The following HYAL3 variants were observed in gnomAD, a reference collection of about 807,000 sequenced individuals.
HYAL3 encodes hyaluronidase-3.
In HYAL3, 25 loss-of-function variants were observed where a neutral mutation model predicts 29.6. That is an observed-to-expected ratio of 0.85 (90% CI 0.62 to 1.18). HYAL3 has a LOEUF of 1.18. Among genes scored for constraint, HYAL3 ranks in the 50% most tolerant of loss-of-function variants. The pLI is 0.00. For synonymous variants in HYAL3, 215 were observed against 218.3 expected (o/e 0.99, Z 0.13); for missense variants, 442 against 548.4 (o/e 0.81, Z 1.94).
At chr3:50,295,758 G>T (rs999701690) in intron 1 of HYAL3, 139 bp from the exon 2 acceptor site, 3 of 664,682 alleles carry the variant, frequency 4.5e-6, no homozygotes, top group Admixed American at 3.5e-5. Flanking sequence ...TTCCCCAGGG[G>T]TCTCTTGGGC....
chr3:50,296,101 G>C (rs1701829787), intron 1 of HYAL3, among the ~76,000 whole-genome samples: 3 of 152,186 alleles, frequency 2.0e-5, no homozygotes, highest in Admixed American at 6.5e-5. Context: ...CAAAGCCTCT[G>C]TACCTCCCCT....
At chr3:50,294,161 T>A (rs1473097144) in intron 2 of HYAL3, among the ~76,000 whole-genome samples, 1 of 151,968 alleles carries the variant, frequency 6.6e-6, no homozygotes, top group African/African-American at 2.4e-5. Context: ...TAGCTGGGTG[T>A]GGTGGTATGC....
At position 50,297,257 on chromosome 3, in the gene HYAL3, G is replaced by C; in HGVS notation, c.-17-1638C>G. ...GGTCAGCACAAGCATCCAGGAGCTC[G>C]GGTCGGCGGTGCACAGGCTCCAGGG... On this transcript the variant is annotated intron_variant, in intron 1 of 3. Coordinates refer to ENST00000336307, the MANE Select transcript of HYAL3 (RefSeq NM_003549.4). This position sits in a 1 kb window ranked among gnomAD's most constrained non-coding sequence, Gnocchi z 4.3. 3 of 1,610,384 alleles carry C rather than the reference G, an allele frequency of 1.9e-6. No individual in the cohort carries two copies. Among genetic ancestry groups the C allele is most frequent in the Non-Finnish European group, 2.5e-6 (3 of 1,177,598 alleles).
Position 50,294,789 on chromosome 3 carries a change from G to A in HYAL3, c.814C>T (p.Leu272Phe), listed in dbSNP as rs1553710685. 3 of 1,517,698 alleles carry A rather than the reference G, an allele frequency of 2.0e-6. No homozygotes were observed. The highest frequency in any genetic ancestry group is 2.7e-6 in the Non-Finnish European group (3 of 1,130,864). The allele number at this position is 1,517,698 out of a possible 1,614,324, so 94.0% of individuals were successfully genotyped here. Residue 272 changes from leucine to phenylalanine, a missense_variant, in exon 2 of 4, where the codon CTT (leucine) becomes TTT (phenylalanine). Leu to Phe is a conservative substitution (Grantham distance 22, BLOSUM62 0). Coordinates refer to ENST00000336307, the MANE Select transcript of HYAL3 (RefSeq NM_003549.4). Reference protein sequence around the residue: ...HRLEEAFRVALVGHRHPLPVL... With the variant: ...HRLEEAFRVAFVGHRHPLPVL... ...GGCAGGGGATGTCGGTGCCCAACAA[G>A]GGCCACACGGAAGGCCTCCTCCAGG... is the stretch of plus-strand genomic sequence containing the variant.
Position 50,297,904 on chromosome 3 carries a change from G to A in HYAL3, c.-18+1309C>T, listed in dbSNP as rs1701918410. On this transcript the variant is annotated intron_variant, in intron 1 of 3. Coordinates refer to ENST00000336307, the MANE Select transcript of HYAL3 (RefSeq NM_003549.4). This position sits in a 1 kb window ranked among gnomAD's most constrained non-coding sequence, Gnocchi z 4.3. ...ACATTGGAGGGAGGCTGGGAGTGATGGATGAGCTGCTTAAGGCTGGGGCAG... is the reference window on the plus strand; with the variant it reads ...ACATTGGAGGGAGGCTGGGAGTGATAGATGAGCTGCTTAAGGCTGGGGCAG... The A allele has an allele frequency of 2.0e-6, 2 of 1,000,826 alleles. No individual in the cohort carries two copies. Among genetic ancestry groups the A allele is most frequent in the South Asian group, 4.6e-5 (1 of 21,730 alleles). The allele number at this position is 1,000,826 out of a possible 1,614,324, so 62.0% of individuals were successfully genotyped here. A position where few individuals can be genotyped will look rare whatever the true frequency, so the allele number is the denominator to read the frequency against.
rs1701782174 is a variant in HYAL3, at chr3:50,294,974, T to C, written c.629A>G (p.His210Arg). 6.2e-7 allele frequency: 1 copy of C among 1,613,036 alleles called. No individual in the cohort carries two copies. The highest frequency in any genetic ancestry group is 8.5e-7 in the Non-Finnish European group (1 of 1,179,720). ...GCCGGTATAGTTGGAAGCCATACTA[T>C]GCCAGCCATTGCCACAGGCTGGGTA... is the stretch of plus-strand genomic sequence containing the variant. ...YHYPACGNGW[H>R]SMASNYTGRC... The change falls in exon 2 of 4, where the codon CAT (histidine) becomes CGT (arginine). Residue 210 changes from histidine (H) to arginine (R), a missense_variant. Transcript: ENST00000336307.
chr3:50,295,775 A>C, intron 1 of HYAL3, 156 bp from the exon 2 acceptor site: 2 of 451,434 alleles, frequency 4.4e-6, no homozygotes, highest in Non-Finnish European at 7.4e-6. Context: ...GGGCCTTTTA[A>C]AGCAGCCACA....
At chr3:50,295,655 C>T (rs1218001849) in intron 1 of HYAL3, 36 bp from the exon 2 acceptor site, 7 of 1,475,012 alleles carry the variant, frequency 4.7e-6, no homozygotes, top group Non-Finnish European at 6.3e-6. Flanking sequence ...TTAGAGTCCG[C>T]AGCTATGGCC....
intron 1 of HYAL3, chr3:50,298,948 T>C: frequency 7.0e-7 from 1 of 1,420,500 alleles, no homozygotes; most frequent in Non-Finnish European, 9.2e-7. Flanking sequence ...CCCCACCCAC[T>C]GTGGGCGGGG....
At position 50,299,289 on chromosome 3, in the gene HYAL3, A is replaced by T; in HGVS notation, c.-94T>A. On this transcript the variant is annotated 5_prime_UTR_variant, in exon 1 of 4. Coordinates refer to ENST00000336307, the MANE Select transcript of HYAL3 (RefSeq NM_003549.4). ...GTATCTCACTCAGTCGCCACCTCGGACTCCTCGGTCCGACAACGTTGGCCC... is the reference window on the plus strand; with the variant it reads ...GTATCTCACTCAGTCGCCACCTCGGTCTCCTCGGTCCGACAACGTTGGCCC... 1 of 1,612,356 alleles carries T rather than the reference A, an allele frequency of 6.2e-7. No individual in the cohort carries two copies. The highest frequency in any genetic ancestry group is 1.1e-5 in the South Asian group (1 of 91,030).
rs782569930 is a variant in HYAL3 at position 50,295,437 on chromosome 3, C to T, written c.166G>A (p.Gly56Ser). 1 of 1,614,164 alleles carries T rather than the reference C, an allele frequency of 6.2e-7. No homozygotes were observed. The highest frequency in any genetic ancestry group is 1.1e-5 in the South Asian group (1 of 91,092). ...FGVHLPLNAL[G>S]IIANRGQHFH... ...TGCTGGCCACGGTTGGCTATGATGC[C>T]CAGAGCATTGAGTGGCAGGTGCACA... The change falls in exon 2 of 4, where the codon GGC becomes AGC. Residue 56 changes from glycine to serine, a missense_variant. Gly to Ser is a moderately conservative substitution (Grantham distance 56). Coordinates refer to ENST00000336307, the MANE Select transcript of HYAL3 (RefSeq NM_003549.4).
At chr3:50,299,142 G>T (rs370533099) in intron 1 of HYAL3, 71 bp downstream of exon 1, 1 of 1,613,426 alleles carries the variant, frequency 6.2e-7, no homozygotes. Context: ...GTGCAGGGTG[G>T]CATGGCCACT....
intron 1 of HYAL3, 82 bp downstream of exon 1, chr3:50,299,131 C>T: frequency 6.2e-7 from 1 of 1,608,974 alleles, no homozygotes; most frequent in Admixed American, 1.7e-5. Context: ...GCGGGGAGGG[C>T]GTGCAGGGTG....
At chr3:50,293,578 C>A in intron 3 of HYAL3, 54 bp downstream of exon 3, 1 of 1,611,978 alleles carries the variant, frequency 6.2e-7, no homozygotes, top group Non-Finnish European at 8.5e-7. Context: ...GGCCGTCCCC[C>A]ACCCTGGGAC....
rs782056861 is a variant in HYAL3, at chr3:50,295,284, G to A, written c.319C>T (p.Leu107=). The A allele has an allele frequency of 1.9e-6, 3 of 1,614,104 alleles. No individual in the cohort carries two copies. The highest frequency in any genetic ancestry group is 2.2e-5 in the South Asian group (2 of 91,092). Reference sequence around the variant, plus strand: ...CTGTGGTGGATCTGGTAGGCAGCCAGTGCCAGGTGGCGGTCAAGGGGCAAA... The same window carrying A: ...CTGTGGTGGATCTGGTAGGCAGCCAATGCCAGGTGGCGGTCAAGGGGCAAA... ...QALPLDRHLA[L]AAYQIHHSLR... The change falls in exon 2 of 4, where the codon CTG becomes TTG. Residue 107 remains leucine, a synonymous_variant. Coordinates refer to ENST00000336307, the MANE Select transcript of HYAL3 (RefSeq NM_003549.4).
rs1575499055 is a variant in HYAL3 at position 50,295,820 on chromosome 3, G to A, written c.-17-201C>T. 9 of 576,648 alleles carry A rather than the reference G, an allele frequency of 1.6e-5. No homozygotes were observed. The East Asian group carries it at 2.4e-4, about 15-fold the overall frequency. The allele number at this position is 576,648 out of a possible 1,614,324, so 35.7% of individuals were successfully genotyped here. A position where few individuals can be genotyped will look rare whatever the true frequency, so the allele number is the denominator to read the frequency against. ...GGCTATGATGCCCCGGGCATCGAGT[G>A]GCAGGTGCACACCAAAGCGGGCTTT... is the stretch of plus-strand genomic sequence containing the variant. On this transcript the variant is annotated intron_variant, in intron 1 of 3. Coordinates refer to ENST00000336307, the MANE Select transcript of HYAL3 (RefSeq NM_003549.4).
rs781939755 is a variant in HYAL3, at chr3:50,295,374, G to A, written c.229C>T (p.Gln77Ter). 7 of 1,614,084 alleles carry A rather than the reference G, an allele frequency of 4.3e-6. No homozygotes were observed. The African/African-American group carries it at 5.3e-5, about 12-fold the overall frequency. The change falls in exon 2 of 4, where the codon CAA (glutamine) becomes TAA (stop). Residue 77 changes from glutamine to a stop codon, truncating the protein, a stop_gained. Coordinates refer to ENST00000336307, the MANE Select transcript of HYAL3 (RefSeq NM_003549.4). LOFTEE classifies it high-confidence loss of function. ...GQNMTIFYKN[Q>*]LGLYPYFGPR... Reference sequence around the variant, plus strand: ...CCAAAGTAGGGATAGAGGCCGAGTTGGTTCTTGTAGAAAATGGTCATGTTC... The same window carrying A: ...CCAAAGTAGGGATAGAGGCCGAGTTAGTTCTTGTAGAAAATGGTCATGTTC...
chr3:50,295,030 T>G lies in HYAL3; in HGVS notation c.573A>C (p.Leu191=). 5.0e-6 allele frequency: 8 copies of G among 1,613,410 alleles called. No individual in the cohort carries two copies. Among genetic ancestry groups the G allele is most frequent in the Non-Finnish European group, 6.8e-6 (8 of 1,179,942 alleles). ...MEDTLRVAQA[L]RPHGLWGFYH... is the part of the protein sequence containing the mutation. ...AGAAGCCCCAGAGTCCATGGGGCCG[T>G]AGTGCCTGGGCCACCCGCAGCGTAT... Residue 191 remains leucine (L), a synonymous_variant, in exon 2 of 4, where the codon CTA becomes CTC. Coordinates refer to ENST00000336307, the MANE Select transcript of HYAL3 (RefSeq NM_003549.4).
chr3:50,295,388 A>G lies in HYAL3; in HGVS notation c.215T>C (p.Ile72Thr). 1 of 1,614,194 alleles carries G rather than the reference A, an allele frequency of 6.2e-7. No individual in the cohort carries two copies. Among genetic ancestry groups the G allele is most frequent in the East Asian group, 2.2e-5 (1 of 44,882 alleles). Residue 72 changes from isoleucine to threonine, a missense_variant, in exon 2 of 4, where the codon ATT (isoleucine) becomes ACT (threonine). Transcript: ENST00000336307. ...GQHFHGQNMT[I>T]FYKNQLGLYP... ...GAGGCCGAGTTGGTTCTTGTAGAAA[A>G]TGGTCATGTTCTGACCGTGAAAATG... is the stretch of plus-strand genomic sequence containing the variant.
Sources: allele counts gnomAD v4.1 joint callset (sites outside exome capture counted in the v4.1 genomes callset), GRCh38; gene constraint gnomAD v4.1.1; non-coding constraint Gnocchi (gnomAD v3.1); transcripts MANE v1.5; gene names NCBI Gene and HGNC (gene_info 2026-07-23, HGNC 2026-07-21).